Variants in FGF14 observed in about 807,000 individuals in gnomAD.
The protein encoded by FGF14 is fibroblast growth factor homologous factor 4.
A neutral mutation model predicts 25.5 loss-of-function variants in FGF14; 5 were observed. The observed-to-expected ratio is 0.20, with a 90% CI of 0.10 to 0.41. FGF14 has a LOEUF of 0.41. Ranked by LOEUF, FGF14 falls within the 10% of genes least tolerant of loss-of-function variation. FGF14 has a pLI of 1.00. For missense variants in FGF14, 222 were observed against 320.1 expected, an observed-to-expected ratio of 0.69 and a Z score of 2.34; for synonymous variants, 138 against 118.3, an observed-to-expected ratio of 1.17 and a Z score of -1.08.
intron 1 of FGF14, among the ~76,000 whole-genome samples, chr13:102,340,442 C>T (rs1002165928): frequency 1.4e-5 from 2 of 142,822 alleles, no homozygotes; most frequent in African/African-American, 5.3e-5. Flanking sequence ...CAAACACATA[C>T]ACACACACAC....
chr13:101,950,544 C>T (rs2036092189), intron 1 of FGF14, among the ~76,000 whole-genome samples: 1 of 152,160 alleles, frequency 6.6e-6, no homozygotes, highest in Non-Finnish European at 1.5e-5. Flanking sequence ...TTAAAATTTG[C>T]ATAACTGTCA....
chr13:102,033,709 TG>T (rs2041330806), intron 1 of FGF14, among the ~76,000 whole-genome samples: 1 of 152,128 alleles, frequency 6.6e-6, no homozygotes, highest in East Asian at 1.9e-4. Context: ...TAGGATGCAA[TG>T]TCTATTCAGC....
At chr13:102,181,473 T>C (rs1280464561) in intron 1 of FGF14, among the ~76,000 whole-genome samples, 1 of 152,134 alleles carries the variant, frequency 6.6e-6, no homozygotes, top group African/African-American at 2.4e-5. Flanking sequence ...CAAGTTAAGA[T>C]GAGGTCATCA....
intron 3 of FGF14, among the ~76,000 whole-genome samples, chr13:101,847,816 A>T (rs1328434822): frequency 6.6e-6 from 1 of 152,078 alleles, no homozygotes; most frequent in African/African-American, 2.4e-5. Context: ...AAGAAATCCA[A>T]TGAAATTTAA....
chr13:101,920,360 G>C (rs563537109), upstream of FGF14, among the ~76,000 whole-genome samples: 2 of 152,246 alleles, frequency 1.3e-5, no homozygotes, highest in African/African-American at 4.8e-5. Flanking sequence ...AGAGGTTCTT[G>C]GTTCATTTCT....
At chr13:101,850,497 TATATATATATATATATA>T (rs1566311329) in intron 3 of FGF14, among the ~76,000 whole-genome samples, 1,137 of 3,638 alleles carry the variant, frequency 0.31, 209 homozygotes, top group South Asian at 0.53. Flanking sequence ...TATATATATA[TATATATATATATATATA>T]GAATTATATA....
chr13:102,133,619 C>T (rs2046292370), intron 1 of FGF14, among the ~76,000 whole-genome samples: 2 of 152,124 alleles, frequency 1.3e-5, no homozygotes, highest in Non-Finnish European at 2.9e-5. Context: ...TCATGATTTA[C>T]TAAGTTGCAA....
chr13:101,947,504 C>T (rs1255167407), intron 1 of FGF14, among the ~76,000 whole-genome samples: 2 of 152,102 alleles, frequency 1.3e-5, no homozygotes, highest in Non-Finnish European at 2.9e-5. Flanking sequence ...ACTATACAGC[C>T]ATAAAAAAGA....
intron 3 of FGF14, among the ~76,000 whole-genome samples, chr13:101,821,218 G>A (rs1355504423): frequency 6.6e-6 from 1 of 152,180 alleles, no homozygotes; most frequent in Non-Finnish European, 1.5e-5. Flanking sequence ...AAAGTGCTGG[G>A]ATTACAGGCG....
intron 1 of FGF14, among the ~76,000 whole-genome samples, chr13:102,216,506 A>AGGG (rs2050378030): frequency 6.6e-6 from 1 of 152,200 alleles, no homozygotes; most frequent in Non-Finnish European, 1.5e-5. Context: ...TAAAAGCAAA[A>AGGG]TTGAATTATA....
intron 3 of FGF14, among the ~76,000 whole-genome samples, chr13:101,828,357 C>T (rs1281509370): frequency 6.6e-6 from 1 of 152,034 alleles, no homozygotes; most frequent in Non-Finnish European, 1.5e-5. Flanking sequence ...GATCCTGCCT[C>T]CAAGTCACTT....
intron 1 of FGF14, chr13:102,373,782 T>C (rs189384112): frequency 5.7e-4 from 86 of 152,094 alleles, no homozygotes; most frequent in Non-Finnish European, 1.2e-4. Context: ...TTCAGAGGAG[T>C]TCAATTAGAT....
chr13:101,870,811 G>T (rs772560346), intron 2 of FGF14, among the ~76,000 whole-genome samples: 2 of 152,056 alleles, frequency 1.3e-5, no homozygotes, highest in African/African-American at 2.4e-5. Flanking sequence ...AAATTAGCCA[G>T]GCGTGGTGGG....
chr13:102,134,267 T>G (rs1231847191), intron 1 of FGF14, among the ~76,000 whole-genome samples: 2 of 152,206 alleles, frequency 1.3e-5, no homozygotes, highest in African/African-American at 4.8e-5. Context: ...CCGTCTTTCA[T>G]GGCTCCTTAT....
chr13:102,157,570 G>A (rs1279122196), intron 1 of FGF14, among the ~76,000 whole-genome samples: 1 of 152,092 alleles, frequency 6.6e-6, no homozygotes, highest in Non-Finnish European at 1.5e-5. Flanking sequence ...AGAAAACCTA[G>A]GCAATACCAT....
intron 1 of FGF14, among the ~76,000 whole-genome samples, chr13:102,340,193 T>C (rs748973709): frequency 3.9e-5 from 6 of 152,212 alleles, no homozygotes; most frequent in Non-Finnish European, 8.8e-5. Flanking sequence ...CTGAATTTCT[T>C]TCCAGTTGCA....
intron 1 of FGF14, among the ~76,000 whole-genome samples, chr13:102,065,767 T>C (rs1309785910): frequency 6.6e-6 from 1 of 151,978 alleles, no homozygotes; most frequent in African/African-American, 2.4e-5. Context: ...TGTTAATGTA[T>C]ATTATATATT....
chr13:101,994,352 G>T (rs1185130808), intron 1 of FGF14, among the ~76,000 whole-genome samples: 1 of 151,872 alleles, frequency 6.6e-6, no homozygotes, highest in Admixed American at 6.6e-5. Flanking sequence ...TGTAGATTTG[G>T]TTTTACAGCA....
At chr13:101,954,939 T>C (rs1303280978) in intron 1 of FGF14, among the ~76,000 whole-genome samples, 1 of 152,220 alleles carries the variant, frequency 6.6e-6, no homozygotes, top group African/African-American at 2.4e-5. Context: ...TATGGACTAA[T>C]AATCCCCCAT....
Sources: gnomAD v4.1 joint callset for allele counts (sites outside exome capture counted in the v4.1 genomes callset) on GRCh38, gnomAD v4.1.1 for gene constraint, MANE v1.5 for transcripts, NCBI Gene and HGNC (gene_info 2026-07-23, HGNC 2026-07-21) for gene names.